UGT1A3: variants seen among roughly 807,000 people sequenced by gnomAD.
UGT1A3 encodes the protein UDP-glucuronosyltransferase 1A3.
A neutral mutation model predicts 41.0 loss-of-function variants in UGT1A3; 31 were observed. That is an observed-to-expected ratio of 0.76 (90% CI 0.57 to 1.02). UGT1A3 has a LOEUF of 1.02. Among genes scored for constraint, UGT1A3 ranks in the 50% least tolerant of loss-of-function variants. The pLI, the probability that UGT1A3 is intolerant of heterozygous loss-of-function variation, is 0.00. For missense variants in UGT1A3, 737 were observed against 671.0 expected (o/e 1.10, Z -1.09); for synonymous variants, 262 against 257.6 (o/e 1.02, Z -0.17).
rs186476397 is a variant in UGT1A3, at chr2:233,730,211, C to T, written c.867+218C>T. Among the ~76,000 whole-genome samples the T allele has an allele frequency of 1.1e-3, 161 of 152,112 alleles. 1 individual carries two copies. The highest frequency in any genetic ancestry group is 3.7e-3 in the African/African-American group (152 of 41,476). On this transcript the variant is annotated intron_variant, in intron 1 of 4. Coordinates refer to ENST00000482026, the MANE Select transcript of UGT1A3 (RefSeq NM_019093.4). ...CACTGAGAGGAAGAGGAAGTAGACA[C>T]GAATGTTTGTAAAAGGATGGACAAG...
intron 1 of UGT1A3, chr2:233,761,121 C>T (rs1672783934): frequency 6.2e-7 from 1 of 1,614,054 alleles, no homozygotes; most frequent in South Asian, 1.1e-5. Context: ...TTGGTGGAAT[C>T]AACTGCCTTC....
At position 233,772,364 on chromosome 2, in the gene UGT1A3, G is replaced by A. The variant is rs2126066742; in HGVS notation, c.1410G>A (p.Lys470=). The A allele has an allele frequency of 6.2e-7, 1 of 1,614,266 alleles. No homozygotes were observed. Among genetic ancestry groups the A allele is most frequent in the Non-Finnish European group, 8.5e-7 (1 of 1,180,054 alleles). ...VFWVEFVMRH[K]GAPHLRPAAH... is the part of the protein sequence containing the mutation. ...GGGTGGAGTTTGTGATGAGGCACAAGGGCGCGCCACACCTGCGCCCCGCAG... is the reference window on the plus strand; with the variant it reads ...GGGTGGAGTTTGTGATGAGGCACAAAGGCGCGCCACACCTGCGCCCCGCAG... The change falls in exon 5 of 5, where the codon AAG becomes AAA. Residue 470 remains lysine, a synonymous_variant. Transcript: ENST00000482026.
chr2:233,760,883 C>G lies in UGT1A3; in HGVS notation c.868-6151C>G, dbSNP rs550460320. On this transcript the variant is annotated intron_variant, in intron 1 of 4. Coordinates refer to ENST00000482026, the MANE Select transcript of UGT1A3 (RefSeq NM_019093.4). ...TCCTACGTGCCCAGGCCTCTCTCCT[C>G]TCATTCAGATCACATGACCTTCCTG... 4 of 1,614,168 alleles carry G rather than the reference C, an allele frequency of 2.5e-6. No individual in the cohort carries two copies. The East Asian group carries it at 6.7e-5, about 27-fold the overall frequency.
chr2:233,745,245 C>T (rs931474657), intron 1 of UGT1A3, among the ~76,000 whole-genome samples: 3 of 151,778 alleles, frequency 2.0e-5, no homozygotes, highest in African/African-American at 7.3e-5. Flanking sequence ...TTTACTGTAT[C>T]GAAACCATTA....
At position 233,767,942 on chromosome 2, in the gene UGT1A3, T is replaced by A; in HGVS notation, c.1087+6T>A. On this transcript the variant is annotated splice_donor_region_variant and intron_variant, in intron 3 of 4. Transcript: ENST00000482026. ...ACCCCAAAACGATCTGCTTGGTATG[T>A]TGGGCGGATTGGATGTATAGGTCAA... is the stretch of plus-strand genomic sequence containing the variant. 1 of 1,614,210 alleles carries A rather than the reference T, an allele frequency of 6.2e-7. No individual in the cohort carries two copies. The highest frequency in any genetic ancestry group is 1.3e-5 in the African/African-American group (1 of 75,040).
At chr2:233,756,964 A>G (rs1482766015) in intron 1 of UGT1A3, among the ~76,000 whole-genome samples, 2 of 152,056 alleles carry the variant, frequency 1.3e-5, no homozygotes, top group African/African-American at 4.8e-5. Context: ...GGCACTTGGT[A>G]AGCACGCAAT....
chr2:233,741,653 G>T (rs1248296818), intron 1 of UGT1A3: 1 of 151,908 alleles, frequency 6.6e-6, no homozygotes, highest in African/African-American at 2.4e-5. Flanking sequence ...CCAGCTGACT[G>T]CCATGTTCCT....
rs139116240 is a variant in UGT1A3, at chr2:233,744,094, T to C, written c.867+14101T>C. 9.0e-3 allele frequency: 3,757 copies of C among 416,138 alleles called. 139 individuals carry two copies. The highest frequency in any genetic ancestry group is 0.069 in the Admixed American group (1,831 of 26,694). The allele number at this position is 416,138 out of a possible 1,614,324, so 25.8% of individuals were successfully genotyped here. ...GCCTCGCATCCCAAGATGCAGTGCT[T>C]CTGGGACTGGCCCTGCTCTCTGTGA... On this transcript the variant is annotated intron_variant, in intron 1 of 4. Coordinates refer to ENST00000482026, the MANE Select transcript of UGT1A3 (RefSeq NM_019093.4).
At chr2:233,732,288 A>G (rs568891817) in intron 1 of UGT1A3, among the ~76,000 whole-genome samples, 10 of 152,250 alleles carry the variant, frequency 6.6e-5, no homozygotes, top group Non-Finnish European at 1.0e-4. Context: ...GAAGCTCTTT[A>G]GTTTAATTAG....
intron 1 of UGT1A3, among the ~76,000 whole-genome samples, chr2:233,764,945 G>GA (rs2126013513): frequency 6.6e-6 from 1 of 152,312 alleles, no homozygotes; most frequent in Non-Finnish European, 1.5e-5. Context: ...GAGTGGCGGG[G>GA]AGAGAGGGCT....
At chr2:233,743,463 C>G in intron 1 of UGT1A3, 1 of 1,366,450 alleles carries the variant, frequency 7.3e-7, no homozygotes, top group African/African-American at 1.5e-5. Flanking sequence ...AAAAAACACC[C>G]CCAAAAGCTG....
chr2:233,731,284 CTT>C (rs78127606), intron 1 of UGT1A3, among the ~76,000 whole-genome samples: 38 of 139,732 alleles, frequency 2.7e-4, no homozygotes, highest in East Asian at 1.2e-3. Context: ...GTTTTTCTTT[CTT>C]TTTTTTTTTT....
At chr2:233,762,211 C>A (rs1050554515) in intron 1 of UGT1A3, among the ~76,000 whole-genome samples, 4 of 152,108 alleles carry the variant, frequency 2.6e-5, no homozygotes, top group Non-Finnish European at 5.9e-5. Context: ...GTATTTGGCG[C>A]CCCATAAATC....
intron 1 of UGT1A3, chr2:233,747,188 GTCAGCTGTCCGTGTCT>G: frequency 6.2e-7 from 1 of 1,603,604 alleles, no homozygotes; most frequent in Non-Finnish European, 8.5e-7. Flanking sequence ...GGGGTGGACA[GTCAGCTGTCCGTGTCT>G]TCTGCTGAGA....
Position 233,747,399 on chromosome 2 carries a change from C to A in UGT1A3, c.867+17406C>A, listed in dbSNP as rs554943916. Reference sequence around the variant, plus strand: ...AGGCCACCAGGCGGTGGTCCTCACCCCAGAGGTGAATATGCACATCAAACA... The same window carrying A: ...AGGCCACCAGGCGGTGGTCCTCACCACAGAGGTGAATATGCACATCAAACA... On this transcript the variant is annotated intron_variant, in intron 1 of 4. Transcript: ENST00000482026. 2.5e-6 allele frequency: 4 copies of A among 1,606,666 alleles called. No individual in the cohort carries two copies. The East Asian group carries it at 8.9e-5, about 36-fold the overall frequency.
rs797046090 is a variant in UGT1A3, at chr2:233,760,524, C to CCGTA, written c.868-6509_868-6508insGTAC. ...GAGCATTTTACACCTTGAAGACGTA[C>CCGTA]CCTGTGCCATTCCAAAGGGAGGATG... On this transcript the variant is annotated intron_variant, in intron 1 of 4. Coordinates refer to ENST00000482026, the MANE Select transcript of UGT1A3 (RefSeq NM_019093.4). The CCGTA allele has an allele frequency of 6.2e-7, 1 of 1,614,240 alleles. No homozygotes were observed. The highest frequency in any genetic ancestry group is 1.6e-4 in the Middle Eastern group (1 of 6,062).
At chr2:233,770,240 T>A (rs1700042980) in intron 4 of UGT1A3, 1 of 152,226 alleles carries the variant, frequency 6.6e-6, no homozygotes, top group Non-Finnish European at 1.5e-5. Flanking sequence ...TCTCCATGAT[T>A]CCAACACTCT....
chr2:233,772,072 C>T (rs1304190129), intron 4 of UGT1A3, among the ~76,000 whole-genome samples, 190 bp from the exon 5 acceptor site: 2 of 152,100 alleles, frequency 1.3e-5, no homozygotes, highest in Non-Finnish European at 2.9e-5. Flanking sequence ...ATGCTTGTGC[C>T]ACTACACTCC....
chr2:233,748,135 T>C (rs1220195478), intron 1 of UGT1A3: 2 of 1,609,160 alleles, frequency 1.2e-6, no homozygotes, highest in South Asian at 1.1e-5. Flanking sequence ...TTTTTAAAAA[T>C]TGTATTTACT....
Sources: gnomAD v4.1 joint callset for allele counts (sites outside exome capture counted in the v4.1 genomes callset) on GRCh38, gnomAD v4.1.1 for gene constraint, MANE v1.5 for transcripts, NCBI Gene and HGNC (gene_info 2026-07-23, HGNC 2026-07-21) for gene names.